FAM168A: variants seen among roughly 807,000 people sequenced by gnomAD.
The protein encoded by FAM168A is family with sequence similarity 168 member A, also known as protein FAM168A.
Under a neutral mutation model 28.5 loss-of-function variants are expected in FAM168A, and 3 were observed. The ratio of observed to expected loss-of-function variants is 0.11; its 90% confidence interval spans 0.05 to 0.27. The LOEUF (loss-of-function observed/expected upper bound fraction) is 0.27, where lower values mean the gene tolerates loss of function less well. Among genes scored for constraint, FAM168A ranks in the 10% least tolerant of loss-of-function variants. The pLI, the probability that FAM168A is intolerant of heterozygous loss-of-function variation, is 1.00. For synonymous variants in FAM168A, 122 were observed against 124.2 expected, an observed-to-expected ratio of 0.98 and a Z score of 0.12; for missense variants, 222 against 311.5, an observed-to-expected ratio of 0.71 and a Z score of 2.16.
At chr11:73,407,172 G>A (rs1013867263) in intron 7 of FAM168A, among the ~76,000 whole-genome samples, 1 of 152,160 alleles carries the variant, frequency 6.6e-6, no homozygotes, top group African/African-American at 2.4e-5. Flanking sequence ...TTAAGCCCTA[G>A]CTTAATTTTT....
At chr11:73,471,622 G>A (rs545299135) in intron 1 of FAM168A, among the ~76,000 whole-genome samples, 1 of 152,154 alleles carries the variant, frequency 6.6e-6, no homozygotes, top group Non-Finnish European at 1.5e-5. Context: ...TGCTCTATCT[G>A]GGATGGGGCT....
At chr11:73,524,671 C>T (rs904524314) in intron 1 of FAM168A, among the ~76,000 whole-genome samples, 1 of 152,116 alleles carries the variant, frequency 6.6e-6, no homozygotes, top group Admixed American at 6.6e-5. Context: ...GTTCTCAGCT[C>T]ACTGCAACCT....
intron 1 of FAM168A, among the ~76,000 whole-genome samples, chr11:73,579,830 C>T (rs1590747441): frequency 6.6e-6 from 1 of 152,194 alleles, no homozygotes; most frequent in East Asian, 1.9e-4. Context: ...AAGCATAAGT[C>T]TTCTGACAAG....
chr11:73,589,161 T>C (rs1228087010), intron 1 of FAM168A, among the ~76,000 whole-genome samples: 1 of 152,208 alleles, frequency 6.6e-6, no homozygotes, highest in Non-Finnish European at 1.5e-5. Flanking sequence ...TGAACCAATA[T>C]TTTCCAAATG....
intron 1 of FAM168A, among the ~76,000 whole-genome samples, chr11:73,571,247 CCCACAGTCTCCCTCTCCCTCTCTTT>C (rs1314793716): frequency 7.8e-6 from 1 of 127,564 alleles, no homozygotes; most frequent in Non-Finnish European, 1.7e-5. Context: ...CCCCCCCCTC[CCCACAGTCTCCCTCTCCCTCTCTTT>C]CCACGGTCTC....
chr11:73,533,628 G>A (rs776901066), intron 1 of FAM168A, among the ~76,000 whole-genome samples: 2 of 151,954 alleles, frequency 1.3e-5, no homozygotes, highest in Non-Finnish European at 2.9e-5. Flanking sequence ...ACCAAAAAGT[G>A]GCTTTTAGCT....
chr11:73,424,169 C>A (rs1381956677), intron 3 of FAM168A, among the ~76,000 whole-genome samples: 1 of 152,230 alleles, frequency 6.6e-6, no homozygotes, highest in Non-Finnish European at 1.5e-5. Flanking sequence ...ACACAGCCCA[C>A]AGCAGTGGCA....
At chr11:73,469,303 T>C (rs978063924) in intron 1 of FAM168A, among the ~76,000 whole-genome samples, 2 of 152,240 alleles carry the variant, frequency 1.3e-5, no homozygotes, top group African/African-American at 4.8e-5. Context: ...CTTTCCTTAC[T>C]ATATAGCCTG....
At chr11:73,510,026 T>A (rs1467026134) in intron 1 of FAM168A, among the ~76,000 whole-genome samples, 1 of 152,176 alleles carries the variant, frequency 6.6e-6, no homozygotes, top group East Asian at 1.9e-4. Context: ...ATTGCTTCTC[T>A]CCAAGTGCAG....
chr11:73,439,717 T>C (rs2134526351), intron 2 of FAM168A, among the ~76,000 whole-genome samples: 1 of 152,218 alleles, frequency 6.6e-6, no homozygotes. Context: ...GTTGCTTCTT[T>C]TTTCTCCTAC....
At chr11:73,473,024 A>G (rs981740081) in intron 1 of FAM168A, among the ~76,000 whole-genome samples, 4 of 152,152 alleles carry the variant, frequency 2.6e-5, no homozygotes, top group Non-Finnish European at 4.4e-5. Context: ...AGGTTAAAAA[A>G]AAAGGAAAAA....
intron 1 of FAM168A, among the ~76,000 whole-genome samples, chr11:73,514,460 A>G (rs1943272649): frequency 6.6e-6 from 1 of 152,232 alleles, no homozygotes; most frequent in Non-Finnish European, 1.5e-5. Context: ...TAGTTTAGAA[A>G]GAACAGTTAA....
intron 1 of FAM168A, among the ~76,000 whole-genome samples, chr11:73,587,127 G>A (rs1356495998): frequency 7.6e-6 from 1 of 131,608 alleles, no homozygotes; most frequent in African/African-American, 3.0e-5. Flanking sequence ...CTGTAATAGT[G>A]TCATTGCATT....
intron 1 of FAM168A, among the ~76,000 whole-genome samples, chr11:73,555,967 G>T (rs1038817261): frequency 6.6e-6 from 1 of 152,120 alleles, no homozygotes; most frequent in Non-Finnish European, 1.5e-5. Context: ...AAGAAAAAGA[G>T]AAAGGAAGGC....
intron 1 of FAM168A, among the ~76,000 whole-genome samples, chr11:73,545,541 A>G (rs1943736377): frequency 6.6e-6 from 1 of 152,116 alleles, no homozygotes; most frequent in Admixed American, 6.6e-5. Flanking sequence ...AACTCTATAT[A>G]TACTAAAAAC....
At chr11:73,556,460 T>G (rs1039092422) in intron 1 of FAM168A, among the ~76,000 whole-genome samples, 5 of 151,694 alleles carry the variant, frequency 3.3e-5, no homozygotes, top group South Asian at 4.2e-4. Flanking sequence ...AAATCCTATA[T>G]GATTCTACCT....
intron 1 of FAM168A, among the ~76,000 whole-genome samples, chr11:73,535,753 G>T (rs1943571881): frequency 6.9e-6 from 1 of 145,648 alleles, no homozygotes; most frequent in Non-Finnish European, 1.5e-5. Flanking sequence ...AGAGATGGGG[G>T]TATCACCATG....
chr11:73,409,977 G>A (rs981961794), intron 5 of FAM168A, among the ~76,000 whole-genome samples: 1 of 152,078 alleles, frequency 6.6e-6, no homozygotes, highest in Non-Finnish European at 1.5e-5. Context: ...AAAATTTAAA[G>A]TTAGGAATAA....
chr11:73,534,693 C>T (rs1358217836), intron 1 of FAM168A, among the ~76,000 whole-genome samples: 1 of 151,914 alleles, frequency 6.6e-6, no homozygotes, highest in Non-Finnish European at 1.5e-5. Context: ...TGTAAGCCAC[C>T]ACACCCGGCA....
Sources: allele counts gnomAD v4.1 joint callset (sites outside exome capture counted in the v4.1 genomes callset), GRCh38; gene constraint gnomAD v4.1.1; transcripts MANE v1.5; gene names NCBI Gene and HGNC (gene_info 2026-07-23, HGNC 2026-07-21).